Variants in CNTNAP2 observed in about 807,000 individuals in gnomAD.
CNTNAP2 encodes the protein contactin-associated protein-like 2.
A neutral mutation model predicts 155.2 loss-of-function variants in CNTNAP2; 98 were observed. That is an observed-to-expected ratio of 0.63 (90% CI 0.54 to 0.75). The LOEUF is 0.75. CNTNAP2 is among the 30% of genes least tolerant of loss of function. The probability of loss-of-function intolerance (pLI) is 0.00; values close to 1 mark genes in which losing one functional copy is unlikely to be tolerated. For missense variants in CNTNAP2, 1,727 were observed against 1,688.1 expected (o/e 1.02, Z -0.40); for synonymous variants, 651 against 631.2 (o/e 1.03, Z -0.47).
intron 2 of CNTNAP2, among the ~76,000 whole-genome samples, chr7:146,825,259 G>T (rs151185190): frequency 6.6e-6 from 1 of 152,064 alleles, no homozygotes; most frequent in African/African-American, 2.4e-5. Flanking sequence ...AAACAGATAC[G>T]ATAGTTACAG....
At chr7:146,814,749 C>A (rs1803131442) in intron 2 of CNTNAP2, among the ~76,000 whole-genome samples, 1 of 151,668 alleles carries the variant, frequency 6.6e-6, no homozygotes, top group African/African-American at 2.4e-5. Context: ...AACTTTGATA[C>A]CCCAAAGTCA....
intron 18 of CNTNAP2, among the ~76,000 whole-genome samples, chr7:148,208,426 G>A (rs6972999): frequency 0.96 from 146,125 of 152,178 alleles, 70,460 homozygotes; most frequent in East Asian, 1. Flanking sequence ...AGGCTCTCCT[G>A]ATGAGTGAGT....
chr7:146,736,275 G>A (rs1801618744), intron 1 of CNTNAP2, among the ~76,000 whole-genome samples: 1 of 151,998 alleles, frequency 6.6e-6, no homozygotes, highest in African/African-American at 2.4e-5. Flanking sequence ...GATACCAAAG[G>A]ATAATTGTAT....
chr7:146,385,821 C>T (rs1255248194), intron 1 of CNTNAP2, among the ~76,000 whole-genome samples: 1 of 152,180 alleles, frequency 6.6e-6, no homozygotes, highest in Admixed American at 6.6e-5. Flanking sequence ...TAACTCTATC[C>T]TTCCCTGGAT....
intron 14 of CNTNAP2, among the ~76,000 whole-genome samples, chr7:147,915,040 A>G (rs1800136574): frequency 6.6e-6 from 1 of 152,232 alleles, no homozygotes; most frequent in African/African-American, 2.4e-5. Context: ...TAACCTGATC[A>G]ATTTAAGTAT....
intron 15 of CNTNAP2, among the ~76,000 whole-genome samples, chr7:148,008,142 T>C (rs1802012126): frequency 6.6e-6 from 1 of 150,924 alleles, no homozygotes; most frequent in Non-Finnish European, 1.5e-5. Flanking sequence ...GGTGGGTAGA[T>C]CACGAGGTCA....
chr7:146,310,730 A>G (rs1482315202), intron 1 of CNTNAP2, among the ~76,000 whole-genome samples: 1 of 152,132 alleles, frequency 6.6e-6, no homozygotes, highest in African/African-American at 2.4e-5. Flanking sequence ...GATAGCAGTG[A>G]TATTCACGGT....
chr7:146,233,625 A>C (rs1370811777), intron 1 of CNTNAP2, among the ~76,000 whole-genome samples: 3 of 151,614 alleles, frequency 2.0e-5, no homozygotes, highest in Admixed American at 6.6e-5. Context: ...TTCCCCCCAC[A>C]CCACAACAGT....
At chr7:147,438,120 T>C (rs78978910) in intron 10 of CNTNAP2, among the ~76,000 whole-genome samples, 2,458 of 152,230 alleles carry the variant, frequency 0.016, 66 homozygotes, top group African/African-American at 0.056. Flanking sequence ...TTTTGTCTGA[T>C]TGTTTTATCT....
At chr7:147,436,953 G>T (rs1052129790) in intron 10 of CNTNAP2, among the ~76,000 whole-genome samples, 9 of 152,098 alleles carry the variant, frequency 5.9e-5, no homozygotes, top group Non-Finnish European at 1.0e-4. Flanking sequence ...ATCGGGCAAA[G>T]AAAGAGTTTC....
At chr7:147,798,709 A>T (rs573184037) in intron 13 of CNTNAP2, among the ~76,000 whole-genome samples, 1 of 152,308 alleles carries the variant, frequency 6.6e-6, no homozygotes, top group African/African-American at 2.4e-5. Context: ...AATCCTGACA[A>T]GGGAAATGGA....
At chr7:146,798,155 C>G (rs574041291) in intron 2 of CNTNAP2, among the ~76,000 whole-genome samples, 8 of 151,840 alleles carry the variant, frequency 5.3e-5, no homozygotes, top group Non-Finnish European at 1.0e-4. Context: ...GCCTGCGGTC[C>G]CAGTTACTCA....
At chr7:146,274,756 T>G (rs1800137852) in intron 1 of CNTNAP2, among the ~76,000 whole-genome samples, 1 of 150,200 alleles carries the variant, frequency 6.7e-6, no homozygotes, top group African/African-American at 2.5e-5. Flanking sequence ...AGTAAATATA[T>G]AGAAAACTTT....
At chr7:147,202,807 G>T (rs1369967027) in intron 8 of CNTNAP2, among the ~76,000 whole-genome samples, 1 of 151,510 alleles carries the variant, frequency 6.6e-6, no homozygotes, top group Non-Finnish European at 1.5e-5. Flanking sequence ...GGGGGTAGGG[G>T]GCTGGGGTAG....
chr7:148,186,786 T>C (rs901090488), intron 18 of CNTNAP2, among the ~76,000 whole-genome samples: 5 of 152,304 alleles, frequency 3.3e-5, no homozygotes, highest in African/African-American at 1.2e-4. Context: ...CATTCCTTAC[T>C]CTTCTGTTTC....
chr7:148,086,234 C>T (rs1803727592), intron 15 of CNTNAP2, among the ~76,000 whole-genome samples: 2 of 152,086 alleles, frequency 1.3e-5, no homozygotes, highest in Admixed American at 1.3e-4. Context: ...ACCTCTTTTG[C>T]TTTTAGAAAC....
intron 8 of CNTNAP2, among the ~76,000 whole-genome samples, chr7:147,197,623 A>G (rs1802833240): frequency 2.0e-5 from 3 of 152,168 alleles, no homozygotes; most frequent in African/African-American, 7.2e-5. Context: ...ACCAATGAAC[A>G]GGTTTTTCTC....
At chr7:148,236,049 C>A (rs1403344891) in intron 20 of CNTNAP2, among the ~76,000 whole-genome samples, 3 of 152,162 alleles carry the variant, frequency 2.0e-5, no homozygotes, top group Non-Finnish European at 4.4e-5. Flanking sequence ...TTTTTACACT[C>A]ATAAGCCTTT....
At chr7:146,921,319 C>G (rs2129220042) in intron 3 of CNTNAP2, among the ~76,000 whole-genome samples, 1 of 152,208 alleles carries the variant, frequency 6.6e-6, no homozygotes, top group Non-Finnish European at 1.5e-5. Context: ...AAACAATGTC[C>G]TGAGAACAGG....
Sources: allele counts gnomAD v4.1 joint callset (sites outside exome capture counted in the v4.1 genomes callset), GRCh38; gene constraint gnomAD v4.1.1; transcripts MANE v1.5; gene names NCBI Gene and HGNC (gene_info 2026-07-23, HGNC 2026-07-21).